Variants in TBC1D5 observed in about 807,000 individuals in gnomAD.
TBC1D5 encodes the protein TBC1 domain family member 5.
Under a neutral mutation model 100.3 loss-of-function variants are expected in TBC1D5, and 75 were observed. The ratio of observed to expected loss-of-function variants is 0.75; its 90% CI spans 0.62 to 0.91. The LOEUF (loss-of-function observed/expected upper bound fraction) is 0.91. Ranked by LOEUF, TBC1D5 falls within the 40% of genes least tolerant of loss-of-function variation. The pLI, the probability that TBC1D5 is intolerant of heterozygous loss-of-function variation, is 0.00. For missense variants in TBC1D5, 910 were observed against 942.4 expected (o/e 0.97, Z 0.45); for synonymous variants, 323 against 325.6 (o/e 0.99, Z 0.09).
intron 13 of TBC1D5, among the ~76,000 whole-genome samples, chr3:17,312,434 C>A (rs377520628): frequency 6.6e-6 from 1 of 152,162 alleles, no homozygotes; most frequent in East Asian, 1.9e-4. Context: ...ATCCTTTAAG[C>A]CATCAAACTC....
intron 18 of TBC1D5, among the ~76,000 whole-genome samples, chr3:17,208,506 C>T (rs2072533952): frequency 6.6e-6 from 1 of 152,342 alleles, no homozygotes; most frequent in East Asian, 1.9e-4. Flanking sequence ...ACTTAACACA[C>T]TATTTAATAA....
chr3:17,697,675 A>T (rs1462604373), intron 1 of TBC1D5, among the ~76,000 whole-genome samples: 2 of 152,256 alleles, frequency 1.3e-5, no homozygotes, highest in African/African-American at 4.8e-5. Context: ...AAATGGCCAT[A>T]CTGCCCAAGG....
At chr3:17,382,056 A>G (rs1466621516) in intron 9 of TBC1D5, among the ~76,000 whole-genome samples, 3 of 152,008 alleles carry the variant, frequency 2.0e-5, no homozygotes, top group Admixed American at 1.3e-4. Flanking sequence ...TTTAATATCT[A>G]TATTTCCCAT....
intron 13 of TBC1D5, among the ~76,000 whole-genome samples, chr3:17,356,924 T>G (rs1441278162): frequency 6.6e-6 from 1 of 152,134 alleles, no homozygotes. Flanking sequence ...CAGTCAAACC[T>G]TCTTTCTTCA....
chr3:17,565,512 A>T (rs910888966), intron 2 of TBC1D5, among the ~76,000 whole-genome samples: 9 of 152,138 alleles, frequency 5.9e-5, no homozygotes, highest in African/African-American at 2.2e-4. Flanking sequence ...GGGCAAAGTG[A>T]TATGCCAGGA....
intron 17 of TBC1D5, among the ~76,000 whole-genome samples, chr3:17,218,047 G>A (rs1204050154): frequency 6.6e-6 from 1 of 152,008 alleles, no homozygotes; most frequent in Non-Finnish European, 1.5e-5. Flanking sequence ...TGAAGAAGTA[G>A]CTCAAGTTCA....
chr3:17,711,144 G>A (rs1454842735), intron 1 of TBC1D5, among the ~76,000 whole-genome samples: 2 of 152,024 alleles, frequency 1.3e-5, no homozygotes, highest in South Asian at 2.1e-4. Flanking sequence ...GTCGTATGAG[G>A]CAATAAAGAC....
exon 22 of TBC1D5, chr3:17,159,411 G>C (rs2065851228): frequency 6.6e-6 from 1 of 152,238 alleles, no homozygotes; most frequent in Non-Finnish European, 1.5e-5. Context: ...TCTATACTGA[G>C]CTTTCATTTG....
chr3:17,567,554 G>A (rs528192650), intron 2 of TBC1D5, among the ~76,000 whole-genome samples: 7 of 151,720 alleles, frequency 4.6e-5, no homozygotes, highest in East Asian at 1.9e-4. Flanking sequence ...TTTCCTTCTC[G>A]ATCCTTGAAT....
chr3:17,506,888 C>T (rs1311958090), intron 3 of TBC1D5, among the ~76,000 whole-genome samples: 1 of 152,152 alleles, frequency 6.6e-6, no homozygotes, highest in Non-Finnish European at 1.5e-5. Context: ...AAGTGGCAGC[C>T]GCCTGTAGTC....
chr3:17,583,015 T>C (rs945975406), intron 2 of TBC1D5, among the ~76,000 whole-genome samples: 1 of 152,198 alleles, frequency 6.6e-6, no homozygotes, highest in African/African-American at 2.4e-5. Context: ...CCAGGAATGG[T>C]GGCTTATGCC....
chr3:17,345,021 T>C (rs1334045724), intron 13 of TBC1D5, among the ~76,000 whole-genome samples: 2 of 152,338 alleles, frequency 1.3e-5, no homozygotes, highest in East Asian at 3.9e-4. Flanking sequence ...AAGGACTTCA[T>C]GTCTAAAACA....
Position 17,503,063 on chromosome 3 carries a change from A to C in TBC1D5, c.97+5411T>G, listed in dbSNP as rs1022798930. On this transcript the variant is annotated intron_variant, in intron 3 of 21. Transcript: ENST00000253692. ...TTATTCACCCTACTACAGCCAGAAT[A>C]ATCTTTGTAAAATGCAAATCTGACC... Among the ~76,000 whole-genome samples, 21 of 149,580 alleles carry C rather than the reference A, an allele frequency of 1.4e-4. 1 individual carries two copies. The highest frequency in any genetic ancestry group is 2.1e-4 in the Non-Finnish European group (14 of 67,896).
chr3:17,689,633 C>T (rs534963206), intron 1 of TBC1D5, among the ~76,000 whole-genome samples: 2 of 151,734 alleles, frequency 1.3e-5, no homozygotes, highest in East Asian at 3.9e-4. Context: ...ACAGAAAATC[C>T]AGCAGGTAAA....
intron 3 of TBC1D5, among the ~76,000 whole-genome samples, chr3:17,472,556 A>G (rs2095390283): frequency 6.6e-6 from 1 of 152,158 alleles, no homozygotes; most frequent in South Asian, 2.1e-4. Context: ...CCCAGGCTTT[A>G]TATTTCTCCA....
rs1329395924 is a variant in TBC1D5 at position 17,474,124 on chromosome 3, T to C, written c.97+34350A>G. ...GCAGACAAAACTTTGAAACAGAAACTACCTTTTAATCTACAAAGTGTGCAC... is the reference window on the plus strand; with the variant it reads ...GCAGACAAAACTTTGAAACAGAAACCACCTTTTAATCTACAAAGTGTGCAC... On this transcript the variant is annotated intron_variant, in intron 3 of 21. Coordinates refer to ENST00000253692, the Ensembl canonical transcript of TBC1D5. Among the ~76,000 whole-genome samples, 4 of 152,162 alleles carry C rather than the reference T, an allele frequency of 2.6e-5. No individual in the cohort carries two copies. In the East Asian group the frequency reaches 7.7e-4, roughly 29 times the overall value.
chr3:17,304,235 T>G (rs1313927278), intron 14 of TBC1D5, among the ~76,000 whole-genome samples: 1 of 152,124 alleles, frequency 6.6e-6, no homozygotes, highest in African/African-American at 2.4e-5. Context: ...AAAATATTTT[T>G]CTGGAGGTTT....
chr3:17,267,148 A>G (rs2078931965), intron 15 of TBC1D5, among the ~76,000 whole-genome samples: 1 of 152,150 alleles, frequency 6.6e-6, no homozygotes, highest in Non-Finnish European at 1.5e-5. Context: ...ACCAGAAGAG[A>G]AATAAATTTT....
intron 1 of TBC1D5, among the ~76,000 whole-genome samples, chr3:17,647,963 C>T (rs2065163247): frequency 6.6e-6 from 1 of 152,076 alleles, no homozygotes; most frequent in Non-Finnish European, 1.5e-5. Context: ...CAACATTCTT[C>T]ACAGAAATAG....
Sources: allele counts gnomAD v4.1 joint callset (sites outside exome capture counted in the v4.1 genomes callset), GRCh38; gene constraint gnomAD v4.1.1; transcripts MANE v1.5; gene names NCBI Gene and HGNC (gene_info 2026-07-23, HGNC 2026-07-21).